Variants in DISC1 observed in about 807,000 individuals in gnomAD.
The protein encoded by DISC1 is DISC1 scaffold protein, also known as disrupted in schizophrenia 1 protein.
In DISC1, 57 loss-of-function variants were observed where a neutral mutation model predicts 84.5. That is an observed-to-expected ratio of 0.67 (90% CI 0.55 to 0.84). The LOEUF (loss-of-function observed/expected upper bound fraction) is 0.84. Ranked by LOEUF, DISC1 falls within the 40% of genes least tolerant of loss-of-function variation. The probability of loss-of-function intolerance (pLI) is 0.00; values close to 1 mark genes in which losing one functional copy is unlikely to be tolerated. For synonymous variants in DISC1, 411 were observed against 415.2 expected (o/e 0.99, Z 0.12); for missense variants, 1,000 against 1,057.8 (o/e 0.95, Z 0.76).
rs6693574 is a variant in DISC1, at chr1:231,794,928, T to C, written c.1635-314T>C. 5.8e-3 allele frequency among the ~76,000 whole-genome samples: 888 copies of C among 152,258 alleles called. 10 individuals carry two copies. Among genetic ancestry groups the C allele is most frequent in the African/African-American group, 0.02 (832 of 41,548 alleles). On this transcript the variant is annotated intron_variant, in intron 6 of 12. Coordinates refer to ENST00000439617, the MANE Select transcript of DISC1 (RefSeq NM_018662.3). The stretch of plus-strand genomic sequence containing the variant: ...GACCTTCCTTCTGGGAAGGTTGTTA[T>C]AGGAATGCAGATTTTAATCCTTTGC...
intron 4 of DISC1, among the ~76,000 whole-genome samples, chr1:231,754,539 C>A (rs1312585165): frequency 1.3e-5 from 2 of 152,148 alleles, no homozygotes; most frequent in Non-Finnish European, 2.9e-5. Flanking sequence ...AAAGATCCAT[C>A]CCCATGATTT....
chr1:231,722,675 T>A, intron 3 of DISC1: 1 of 1,607,278 alleles, frequency 6.2e-7, no homozygotes, highest in Non-Finnish European at 8.5e-7. Flanking sequence ...TCTTTAGACA[T>A]CATGAAAAGA....
intron 12 of DISC1, among the ~76,000 whole-genome samples, chr1:232,027,112 G>A (rs777918654): frequency 2.6e-5 from 4 of 152,142 alleles, no homozygotes; most frequent in Admixed American, 6.5e-5. Flanking sequence ...ACATGCACAC[G>A]AGGAAGCCAA....
intron 10 of DISC1, among the ~76,000 whole-genome samples, chr1:231,999,765 A>T (rs1666417103): frequency 1.3e-5 from 2 of 152,118 alleles, no homozygotes; most frequent in African/African-American, 4.8e-5. Context: ...AGCTAGCACC[A>T]TCAGGGACCA....
At chr1:231,816,087 A>G (rs962259453) in intron 8 of DISC1, among the ~76,000 whole-genome samples, 1 of 152,342 alleles carries the variant, frequency 6.6e-6, no homozygotes, top group East Asian at 1.9e-4. Flanking sequence ...TGAGAGTTCC[A>G]GTTGCTCCAT....
intron 9 of DISC1, among the ~76,000 whole-genome samples, chr1:231,942,744 A>G (rs1400255942): frequency 6.6e-6 from 1 of 152,228 alleles, no homozygotes; most frequent in Admixed American, 6.5e-5. Context: ...AGCTTCAGGA[A>G]ACTGTGTTGA....
At chr1:231,850,973 C>A (rs1474566832) in intron 9 of DISC1, among the ~76,000 whole-genome samples, 2 of 152,162 alleles carry the variant, frequency 1.3e-5, no homozygotes, top group Non-Finnish European at 2.9e-5. Context: ...ACAGGGAAAC[C>A]AGCACTGGCA....
At chr1:231,774,837 C>G (rs1160651383) in intron 6 of DISC1, 2 of 436,628 alleles carry the variant, frequency 4.6e-6, no homozygotes, top group Non-Finnish European at 9.2e-6. Context: ...ATTGCTTGGT[C>G]TAGTATTTTT....
At chr1:231,801,026 A>C (rs1042845321) in intron 8 of DISC1, among the ~76,000 whole-genome samples, 2 of 152,188 alleles carry the variant, frequency 1.3e-5, no homozygotes, top group Non-Finnish European at 2.9e-5. Flanking sequence ...AAGAATCATA[A>C]AAATTTAACA....
intron 9 of DISC1, among the ~76,000 whole-genome samples, chr1:231,893,254 T>C (rs953799421): frequency 5.3e-5 from 8 of 151,900 alleles, no homozygotes; most frequent in African/African-American, 1.5e-4. Flanking sequence ...TAGCAGGAGA[T>C]AAGGTTGAAA....
At chr1:231,987,840 TTA>T (rs1170266134) in intron 10 of DISC1, among the ~76,000 whole-genome samples, 1 of 152,198 alleles carries the variant, frequency 6.6e-6, no homozygotes, top group Non-Finnish European at 1.5e-5. Context: ...TGCATCTAAA[TTA>T]TATGAGTGCA....
In DISC1 at chr1:231,826,662, G is replaced by A. The variant is rs967101139; in HGVS notation, c.1981+8145G>A. The stretch of plus-strand genomic sequence containing the variant: ...TTGGCATACTACCATAAATCAGAGA[G>A]AAGTTGAACTATAGCAATTTAATTG... On this transcript the variant is annotated intron_variant, in intron 9 of 12. Coordinates refer to ENST00000439617, the MANE Select transcript of DISC1 (RefSeq NM_018662.3). The surrounding 1 kb of genome is among the most constrained non-coding windows in gnomAD (Gnocchi z 4.2). Among the ~76,000 whole-genome samples the A allele has an allele frequency of 3.9e-5, 6 of 152,178 alleles. No homozygotes were observed. Among genetic ancestry groups the A allele is most frequent in the African/African-American group, 1.4e-4 (6 of 41,450 alleles).
chr1:231,794,990 A>T (rs1385743872), intron 6 of DISC1, among the ~76,000 whole-genome samples: 1 of 152,212 alleles, frequency 6.6e-6, no homozygotes, highest in African/African-American at 2.4e-5. Context: ...TCCCGTTATC[A>T]GTAGATGTAC....
intron 9 of DISC1, among the ~76,000 whole-genome samples, chr1:231,856,922 G>A (rs546123974): frequency 3.3e-5 from 5 of 152,312 alleles, no homozygotes; most frequent in Non-Finnish European, 5.9e-5. Context: ...TAGGCAGAGT[G>A]GGCTGCAGCA....
At chr1:231,828,151 T>G (rs990962847) in intron 9 of DISC1, among the ~76,000 whole-genome samples, 5 of 152,196 alleles carry the variant, frequency 3.3e-5, no homozygotes, top group African/African-American at 1.2e-4. Context: ...GCTTTACATT[T>G]CCAGTCTCCC....
At position 231,871,933 on chromosome 1, in the gene DISC1, G is replaced by A. The variant is rs186795579; in HGVS notation, c.1981+53416G>A. ...CAAAGGAGAGCCATGGACTGTGTGC[G>A]CTAGATTCACCTTCAGAGACTGGAG... On this transcript the variant is annotated intron_variant, in intron 9 of 12. Coordinates refer to ENST00000439617, the MANE Select transcript of DISC1 (RefSeq NM_018662.3). 8.5e-5 allele frequency among the ~76,000 whole-genome samples: 13 copies of A among 152,286 alleles called. No homozygotes were observed. In the East Asian group the frequency reaches 1.7e-3, roughly 20 times the overall value.
intron 12 of DISC1, among the ~76,000 whole-genome samples, chr1:232,027,858 A>G (rs1171174257): frequency 6.6e-6 from 1 of 150,754 alleles, no homozygotes; most frequent in Non-Finnish European, 1.5e-5. Flanking sequence ...GCCAAGGATT[A>G]ATCTTAGTCA....
At chr1:231,629,104 G>T (rs1441072535) in intron 1 of DISC1, among the ~76,000 whole-genome samples, 1 of 152,138 alleles carries the variant, frequency 6.6e-6, no homozygotes, top group Non-Finnish European at 1.5e-5. Flanking sequence ...AGAGGCTTTG[G>T]CATAATTTTA....
intron 1 of DISC1, among the ~76,000 whole-genome samples, chr1:231,676,824 CAG>C (rs1474615115): frequency 6.6e-6 from 1 of 152,166 alleles, no homozygotes; most frequent in Non-Finnish European, 1.5e-5. Context: ...TAGAGAAAAA[CAG>C]ACTTTTATAG....
Sources: allele counts gnomAD v4.1 joint callset (sites outside exome capture counted in the v4.1 genomes callset), GRCh38; gene constraint gnomAD v4.1.1; non-coding constraint Gnocchi (gnomAD v3.1); transcripts MANE v1.5; gene names NCBI Gene and HGNC (gene_info 2026-07-23, HGNC 2026-07-21).